The following NFE2L2 variants were observed in gnomAD, a reference collection of about 807,000 sequenced individuals.
NFE2L2 encodes NFE2 like bZIP transcription factor 2.
A neutral mutation model predicts 49.6 loss-of-function variants in NFE2L2; 20 were observed. That is an observed-to-expected ratio of 0.40 (90% CI 0.28 to 0.59). The LOEUF (loss-of-function observed/expected upper bound fraction) is 0.59, where lower values mean the gene tolerates loss of function less well. NFE2L2 is among the 20% of genes least tolerant of loss of function. The pLI, the probability that NFE2L2 is intolerant of heterozygous loss-of-function variation, is 0.40. For synonymous variants in NFE2L2, 244 were observed against 256.5 expected, an observed-to-expected ratio of 0.95 and a Z score of 0.47; for missense variants, 578 against 714.2, an observed-to-expected ratio of 0.81 and a Z score of 2.17.
rs189933272 is a variant in NFE2L2, at chr2:177,263,392, G to C, written c.45+1140C>G. 3,787 of 985,444 alleles carry C rather than the reference G, an allele frequency of 3.8e-3. 9 individuals are homozygous for C. The highest frequency in any genetic ancestry group is 4.4e-3 in the Non-Finnish European group (3,654 of 829,934). The allele number at this position is 985,444 out of a possible 1,614,324, so 61.0% of individuals were successfully genotyped here. On this transcript the variant is annotated intron_variant, in intron 1 of 4. Transcript: ENST00000397062. ...GCAACAGAAATTCTAATCTACACTC[G>C]CAACTCTTACCCTTGACAGCACAGA...
In NFE2L2 at chr2:177,231,757, A is replaced by C; in HGVS notation, c.846T>G (p.Gly282=). The change falls in exon 5 of 5, where the codon GGT becomes GGG. Residue 282 remains glycine (G), a synonymous_variant. Transcript: ENST00000397062. ...NSDATVNTDF[G]DEFYSAFIAE... is the part of the protein sequence containing the mutation. ...CTATGAAAGCAGAATAAAATTCATC[A>C]CCAAAATCTGTGTTGACTGTGGCAT... 6.2e-7 allele frequency: 1 copy of C among 1,614,200 alleles called. No homozygotes were observed. The highest frequency in any genetic ancestry group is 8.5e-7 in the Non-Finnish European group (1 of 1,180,022).
chr2:177,250,132 GA>G (rs779570575), intron 1 of NFE2L2, among the ~76,000 whole-genome samples: 19 of 152,322 alleles, frequency 1.2e-4, no homozygotes, highest in Non-Finnish European at 2.2e-4. Flanking sequence ...GAATTACTAG[GA>G]AGGCTCATGA....
rs60132461 is a variant in NFE2L2, at chr2:177,231,947, T to C, written c.656A>G (p.Lys219Arg). 215 of 1,614,110 alleles carry C rather than the reference T, an allele frequency of 1.3e-4. 1 individual carries two copies. The African/African-American group carries it at 2.7e-3, about 20-fold the overall frequency. The change falls in exon 5 of 5, where the codon AAA becomes AGA. Residue 219 changes from lysine to arginine, a missense_variant. Around this residue, in one of 3 missense-constraint regions of NFE2L2, gnomAD observed 368 missense variants for 384.6 expected, o/e 0.96. Transcript: ENST00000397062. ...ETTMVPSPEAKLTEVDNYHFY... is the reference protein window; with the variant it reads ...ETTMVPSPEARLTEVDNYHFY... ...ATGATAATTGTCAACTTCTGTCAGTTTGGCTTCTGGACTTGGAACCATGGT... is the reference window on the plus strand; with the variant it reads ...ATGATAATTGTCAACTTCTGTCAGTCTGGCTTCTGGACTTGGAACCATGGT...
chr2:177,259,069 G>A (rs576817172), intron 1 of NFE2L2, among the ~76,000 whole-genome samples: 1 of 152,154 alleles, frequency 6.6e-6, no homozygotes, highest in Non-Finnish European at 1.5e-5. Context: ...CAGCACTTTC[G>A]GAGACCAAGG....
intron 3 of NFE2L2, chr2:177,232,850 T>C: frequency 2.0e-6 from 1 of 495,166 alleles, no homozygotes; most frequent in Non-Finnish European, 3.6e-6. Flanking sequence ...GTTTATATAA[T>C]ATCTAGCACA....
At position 177,231,509 on chromosome 2, in the gene NFE2L2, C is replaced by A. The variant is rs1558978892; in HGVS notation, c.1094G>T (p.Ser365Ile). The part of the protein sequence containing the change: ...ASPEHSVESS[S>I]YGDTLLGLSD... ...GAGGCCAAGTAGTGTGTCTCCATAG[C>A]TGGAAGATTCCACTGAGTGTTCTGG... The change falls in exon 5 of 5, where the codon AGC becomes ATC. Residue 365 changes from serine to isoleucine, a missense_variant. Coordinates refer to ENST00000397062, the MANE Select transcript of NFE2L2 (RefSeq NM_006164.5). 1.9e-6 allele frequency: 3 copies of A among 1,614,228 alleles called. No individual in the cohort carries two copies. Among genetic ancestry groups the A allele is most frequent in the East Asian group, 4.5e-5 (2 of 44,888 alleles).
intron 1 of NFE2L2, among the ~76,000 whole-genome samples, chr2:177,253,322 C>G (rs1446168683): frequency 6.6e-6 from 1 of 152,198 alleles, no homozygotes; most frequent in Non-Finnish European, 1.5e-5. Flanking sequence ...GACTCACCCT[C>G]AAACTGACTG....
rs1162193751 is a variant in NFE2L2 at position 177,264,669 on chromosome 2, G to A, written c.-93C>T. On this transcript the variant is annotated 5_prime_UTR_variant, in exon 1 of 5. Transcript: ENST00000397062. ...CGGACAGGGCGGCTCTGGTGGCGGC[G>A]GCGGCGGCGGTGGCGGCTGCGTCGG... The A allele has an allele frequency of 3.4e-6, 4 of 1,182,462 alleles. No individual in the cohort carries two copies. Among genetic ancestry groups the A allele is most frequent in the Non-Finnish European group, 4.3e-6 (4 of 928,238 alleles). 73.2% of individuals were successfully genotyped at this position (1,182,462 alleles called of 1,614,324 possible).
chr2:177,237,277 CAGTCTGCAGGTCAGATTA>C (rs1262051851), intron 1 of NFE2L2, among the ~76,000 whole-genome samples: 1 of 152,188 alleles, frequency 6.6e-6, no homozygotes, highest in East Asian at 1.9e-4. Flanking sequence ...ATGAAGCGGC[CAGTCTGCAGGTCAGATTA>C]AGTCTGTAGG....
chr2:177,242,757 A>G (rs1689982668), intron 1 of NFE2L2, among the ~76,000 whole-genome samples: 1 of 152,242 alleles, frequency 6.6e-6, no homozygotes, highest in Non-Finnish European at 1.5e-5. Context: ...TATTTTCTCA[A>G]GAGGCACATG....
chr2:177,233,230 C>A lies in NFE2L2; in HGVS notation c.402+20G>T. Reference sequence around the variant, plus strand: ...GTTATGATGGAGTTTTTCTATTAACCAGGTTATTTTATACCTCACCTCATT... The same window carrying A: ...GTTATGATGGAGTTTTTCTATTAACAAGGTTATTTTATACCTCACCTCATT... On this transcript the variant is annotated intron_variant, in intron 3 of 4. Transcript: ENST00000397062. 1 of 1,552,904 alleles carries A rather than the reference C, an allele frequency of 6.4e-7. No homozygotes were observed. Among genetic ancestry groups the A allele is most frequent in the Admixed American group, 2.2e-5 (1 of 46,258 alleles).
intron 1 of NFE2L2, among the ~76,000 whole-genome samples, chr2:177,259,326 T>C (rs1690643849): frequency 6.6e-6 from 1 of 151,912 alleles, no homozygotes; most frequent in South Asian, 2.1e-4. Context: ...AACTTGGTGC[T>C]GTAAGTCCTA....
In NFE2L2 at chr2:177,234,036, G is replaced by C. The variant is rs2105458263; in HGVS notation, c.281C>G (p.Ser94Ter). The change falls in exon 2 of 5, where the codon TCA becomes TGA. Residue 94 changes from serine (S) to a stop codon, truncating the protein, a stop_gained. Transcript: ENST00000397062. LOFTEE classifies it high-confidence loss of function. ...LPIQPAQHIQSETSGSANYSQ... is the reference protein window; with the variant it reads ...LPIQPAQHIQ ...GTAGTTGGCAGATCCACTGGTTTCT[G>C]ACTGGATGTGCTGGGCTGGCTGAAT... 6.2e-7 allele frequency: 1 copy of C among 1,614,226 alleles called. No individual in the cohort carries two copies. The highest frequency in any genetic ancestry group is 8.5e-7 in the Non-Finnish European group (1 of 1,180,038).
At position 177,231,615 on chromosome 2, in the gene NFE2L2, G is replaced by T; in HGVS notation, c.988C>A (p.Gln330Lys). Reference protein sequence around the residue: ...SDLSLCKAFNQNHPESTAEFN... With the variant: ...SDLSLCKAFNKNHPESTAEFN... ...TCTGCTGTGCTTTCAGGGTGGTTTT[G>T]GTTGAAAGCTTTGCAAAGTGATAGA... The change falls in exon 5 of 5, where the codon CAA becomes AAA. Residue 330 changes from glutamine (Q) to lysine (K), a missense_variant. By Grantham distance (53) the Gln-to-Lys change is moderately conservative. Transcript: ENST00000397062. The T allele has an allele frequency of 6.2e-7, 1 of 1,614,150 alleles. No individual in the cohort carries two copies. Among genetic ancestry groups the T allele is most frequent in the Non-Finnish European group, 8.5e-7 (1 of 1,180,026 alleles).
At chr2:177,232,653 T>C (rs2105455799) in intron 3 of NFE2L2, 70 bp from the exon 4 acceptor site, 1 of 1,471,948 alleles carries the variant, frequency 6.8e-7, no homozygotes, top group Middle Eastern at 1.8e-4. Context: ...AAGGCACCAC[T>C]ACAAAACAAA....
intron 1 of NFE2L2, among the ~76,000 whole-genome samples, chr2:177,258,990 G>A (rs1377795230): frequency 6.6e-6 from 1 of 152,188 alleles, no homozygotes; most frequent in African/African-American, 2.4e-5. Flanking sequence ...ACTCTCAAGA[G>A]TCAATTATCA....
intron 1 of NFE2L2, among the ~76,000 whole-genome samples, chr2:177,245,763 C>T (rs956301770): frequency 1.3e-5 from 2 of 152,154 alleles, no homozygotes; most frequent in African/African-American, 4.8e-5. Flanking sequence ...GCACCTGCCA[C>T]CATGCCCAGC....
chr2:177,263,088 C>T (rs1690797489), intron 1 of NFE2L2, among the ~76,000 whole-genome samples: 2 of 152,186 alleles, frequency 1.3e-5, no homozygotes, highest in Non-Finnish European at 2.9e-5. Context: ...CCTTGAATTC[C>T]AATTTTTTTC....
chr2:177,262,501 T>C (rs1345514376), intron 1 of NFE2L2, among the ~76,000 whole-genome samples: 1 of 152,244 alleles, frequency 6.6e-6, no homozygotes, highest in Non-Finnish European at 1.5e-5. Context: ...AATGTTTGAC[T>C]CTGTTCAAAT....
Sources: allele counts gnomAD v4.1 joint callset (sites outside exome capture counted in the v4.1 genomes callset), GRCh38; gene constraint gnomAD v4.1.1; regional missense constraint gnomAD v4.1.1; transcripts MANE v1.5; gene names NCBI Gene and HGNC (gene_info 2026-07-23, HGNC 2026-07-21).